The following ITPR2 variants were observed in gnomAD, a reference collection of about 807,000 sequenced individuals.
The protein encoded by ITPR2 is inositol 1,4,5-trisphosphate receptor type 2, also known as inositol 1,4,5-trisphosphate-gated calcium channel ITPR2.
In ITPR2, 207 loss-of-function variants were observed where a neutral mutation model predicts 317.1. The observed-to-expected ratio is 0.65, with a 90% confidence interval of 0.58 to 0.73. The LOEUF (loss-of-function observed/expected upper bound fraction) is 0.73, where lower values mean the gene tolerates loss of function less well. Among genes scored for constraint, ITPR2 ranks in the 30% least tolerant of loss-of-function variants. The probability of loss-of-function intolerance (pLI) is 0.00; values close to 1 mark genes in which losing one functional copy is unlikely to be tolerated. For missense variants in ITPR2, 2,613 were observed against 3,284.0 expected, an observed-to-expected ratio of 0.80 and a Z score of 4.99; for synonymous variants, 1,156 against 1,149.1, an observed-to-expected ratio of 1.01 and a Z score of -0.12.
intron 2 of ITPR2, among the ~76,000 whole-genome samples, chr12:26,755,500 A>T (rs1458542580): frequency 6.6e-6 from 1 of 152,200 alleles, no homozygotes; most frequent in Non-Finnish European, 1.5e-5. Context: ...TTTGTTTTTC[A>T]GAGTCAAGAA....
intron 37 of ITPR2, among the ~76,000 whole-genome samples, chr12:26,549,494 G>C (rs1341999719): frequency 6.6e-6 from 1 of 152,046 alleles, no homozygotes; most frequent in Non-Finnish European, 1.5e-5. Context: ...CAGATGATTA[G>C]TATTTACCGA....
At chr12:26,374,914 C>G (rs746079734) in intron 55 of ITPR2, among the ~76,000 whole-genome samples, 5 of 152,190 alleles carry the variant, frequency 3.3e-5, no homozygotes, top group Non-Finnish European at 1.5e-5. Flanking sequence ...GTCCCAAATC[C>G]TATGGACATG....
At chr12:26,659,964 T>C (rs1185188603) in intron 15 of ITPR2, among the ~76,000 whole-genome samples, 2 of 152,232 alleles carry the variant, frequency 1.3e-5, no homozygotes, top group African/African-American at 4.8e-5. Flanking sequence ...GATTAATCAC[T>C]TTATTGATTA....
chr12:26,492,375 C>T (rs2136866385), intron 39 of ITPR2, among the ~76,000 whole-genome samples: 1 of 151,930 alleles, frequency 6.6e-6, no homozygotes, highest in East Asian at 1.9e-4. Flanking sequence ...AAGGATGATC[C>T]CATCTGGTGA....
intron 54 of ITPR2, among the ~76,000 whole-genome samples, chr12:26,388,212 A>C (rs544992865): frequency 1.1e-4 from 16 of 152,330 alleles, no homozygotes; most frequent in Admixed American, 6.5e-4. Context: ...TTGGAAGTAC[A>C]GTAAAGAAAG....
intron 1 of ITPR2, among the ~76,000 whole-genome samples, chr12:26,832,242 A>G (rs1951123994): frequency 6.6e-6 from 1 of 152,208 alleles, no homozygotes; most frequent in African/African-American, 2.4e-5. Context: ...TTCATGTCCA[A>G]GGCCACGGAC....
intron 39 of ITPR2, among the ~76,000 whole-genome samples, chr12:26,492,929 A>G (rs200180255): frequency 0.52 from 76,017 of 144,844 alleles, 20,270 homozygotes; most frequent in South Asian, 0.65. Flanking sequence ...GTATATATAT[A>G]TATATATATA....
At chr12:26,472,050 A>C (rs1417748134) in intron 45 of ITPR2, among the ~76,000 whole-genome samples, 2 of 152,274 alleles carry the variant, frequency 1.3e-5, no homozygotes, top group African/African-American at 4.8e-5. Context: ...CAGAAAGATC[A>C]GCAGAGCACA....
At position 26,415,402 on chromosome 12, in the gene ITPR2, G is replaced by C; in HGVS notation, c.7207C>G (p.Leu2403Val). 1 of 1,613,150 alleles carries C rather than the reference G, an allele frequency of 6.2e-7. No individual in the cohort carries two copies. The highest frequency in any genetic ancestry group is 8.5e-7 in the Non-Finnish European group (1 of 1,179,382). Residue 2403 changes from leucine (L) to valine (V), a missense_variant, in exon 51 of 57, where the codon CTC (leucine) becomes GTC (valine). Leu to Val is a conservative substitution (Grantham distance 32, BLOSUM62 1). Transcript: ENST00000381340. ...ATGGAAAACAGGTAGACGAGGATGA[G>C]AGCCAGGACTGCAGTTAGAATAATA... ...RSIILTAVLA[L>V]ILVYLFSIIG...
intron 37 of ITPR2, among the ~76,000 whole-genome samples, chr12:26,497,934 C>T (rs527771088): frequency 2.0e-4 from 31 of 152,066 alleles, no homozygotes; most frequent in African/African-American, 7.5e-4. Context: ...TGGATTTCAC[C>T]ATGTTGGCCA....
chr12:26,681,812 C>T (rs1218868848), intron 13 of ITPR2, 62 bp downstream of exon 13: 5 of 1,204,170 alleles, frequency 4.2e-6, no homozygotes, highest in Admixed American at 1.8e-5. Flanking sequence ...TCATTCATAT[C>T]AGGCTTACTA....
intron 8 of ITPR2, 71 bp downstream of exon 8, chr12:26,715,228 A>T: frequency 1.5e-6 from 2 of 1,370,116 alleles, no homozygotes; most frequent in South Asian, 2.6e-5. Flanking sequence ...TATAACAATA[A>T]AACAACAAGC....
chr12:26,417,944 CACTG>C (rs1940773601), intron 50 of ITPR2, among the ~76,000 whole-genome samples: 2 of 152,152 alleles, frequency 1.3e-5, no homozygotes, highest in African/African-American at 4.8e-5. Context: ...CTTTATGTAT[CACTG>C]ACTGGTTAAA....
At chr12:26,587,934 A>G (rs1273258122) in intron 32 of ITPR2, among the ~76,000 whole-genome samples, 2 of 152,170 alleles carry the variant, frequency 1.3e-5, no homozygotes, top group Non-Finnish European at 2.9e-5. Context: ...AATTTGGAAT[A>G]TTTTATGGTT....
rs1349875369 is a variant in ITPR2 at position 26,391,550 on chromosome 12, CTTTTCCTT to C, written c.7697-3964_7697-3957del. Among the ~76,000 whole-genome samples the C allele has an allele frequency of 1.2e-3, 69 of 59,876 alleles. 1 individual carries two copies. The highest frequency in any genetic ancestry group is 3.1e-3 in the South Asian group (6 of 1,906). The allele number at this position is 59,876 out of a possible 152,430, so 39.3% of individuals were successfully genotyped here. A position where few individuals can be genotyped will look rare whatever the true frequency, so the allele number is the denominator to read the frequency against. On this transcript the variant is annotated intron_variant, in intron 54 of 56. Coordinates refer to ENST00000381340, the MANE Select transcript of ITPR2 (RefSeq NM_002223.4). ...CTGAAAGCTTCTTCTTCTTCTTCTT[CTTTTCCTT>C]TTTTTTTTTTTTTTTTTTTTTTTTT...
chr12:26,400,149 C>A lies in ITPR2; in HGVS notation c.7509G>T (p.Val2503=). Residue 2503 remains valine, a synonymous_variant, in exon 53 of 57, where the codon GTG becomes GTT. Transcript: ENST00000381340. Reference sequence around the variant, plus strand: ...TTACATCTTTCGATGGCCTTCTTAGCACATCCCCCACACCACCGCCATTCC... The same window carrying A: ...TTACATCTTTCGATGGCCTTCTTAGAACATCCCCCACACCACCGCCATTCC... ...GLRNGGGVGD[V]LRRPSKDEPL... 6.2e-7 allele frequency: 1 copy of A among 1,611,106 alleles called. No homozygotes were observed.
chr12:26,487,059 C>G lies in ITPR2; in HGVS notation c.5554+9G>C. 6.2e-7 allele frequency: 1 copy of G among 1,608,856 alleles called. No individual in the cohort carries two copies. ...CTCTGTTCTCCCAAATACTCAAATA[C>G]TTCTTTACCTCTCATTCGTGGACCA... On this transcript the variant is annotated intron_variant, in intron 40 of 56. Coordinates refer to ENST00000381340, the MANE Select transcript of ITPR2 (RefSeq NM_002223.4).
At chr12:26,507,713 T>C (rs1434572735) in intron 37 of ITPR2, among the ~76,000 whole-genome samples, 1 of 152,078 alleles carries the variant, frequency 6.6e-6, no homozygotes, top group Non-Finnish European at 1.5e-5. Context: ...TTAATAAACA[T>C]TATTTGAGGT....
intron 26 of ITPR2, among the ~76,000 whole-genome samples, chr12:26,617,807 G>C (rs543722659): frequency 2.0e-5 from 3 of 150,142 alleles, no homozygotes; most frequent in Admixed American, 6.7e-5. Flanking sequence ...AAGGAGGGAA[G>C]GAAGGAAGGA....
Sources: allele counts gnomAD v4.1 joint callset (sites outside exome capture counted in the v4.1 genomes callset), GRCh38; gene constraint gnomAD v4.1.1; transcripts MANE v1.5; gene names NCBI Gene and HGNC (gene_info 2026-07-23, HGNC 2026-07-21).